Variants in MCPH1 observed in about 807,000 individuals in gnomAD.
The protein encoded by MCPH1 is microcephalin 1.
MCPH1 carries 104 observed loss-of-function variants against 84.5 expected under a neutral mutation model. The observed-to-expected ratio is 1.23, with a 90% CI of 1.05 to 1.45. The LOEUF is 1.45. Among genes scored for constraint, MCPH1 ranks in the 40% most tolerant of loss-of-function variants. The probability of loss-of-function intolerance (pLI) is 0.00; values close to 1 mark genes in which losing one functional copy is unlikely to be tolerated. For missense variants in MCPH1, 1,498 were observed against 1,005.7 expected (o/e 1.49, Z -6.62); for synonymous variants, 514 against 366.8 (o/e 1.40, Z -4.58).
At chr8:6,456,813 C>T (rs1327458200) in intron 9 of MCPH1, among the ~76,000 whole-genome samples, 1 of 152,142 alleles carries the variant, frequency 6.6e-6, no homozygotes, top group East Asian at 1.9e-4. Flanking sequence ...GTATTGCCTC[C>T]CTGTGCCTGG....
At chr8:6,598,769 C>T (rs1324981581) in intron 12 of MCPH1, among the ~76,000 whole-genome samples, 2 of 152,214 alleles carry the variant, frequency 1.3e-5, no homozygotes, top group African/African-American at 2.4e-5. Flanking sequence ...AAGAAGAGCC[C>T]CCTGCCACCC....
intron 9 of MCPH1, among the ~76,000 whole-genome samples, chr8:6,466,137 T>G (rs1485722260): frequency 2.1e-5 from 3 of 143,366 alleles, no homozygotes; most frequent in Admixed American, 6.9e-5. Flanking sequence ...GGATTTTTTT[T>G]TTTTTTTTTT....
intron 12 of MCPH1, chr8:6,532,372 G>A: frequency 6.2e-7 from 1 of 1,614,066 alleles, no homozygotes. Context: ...TTGCTCCGCT[G>A]TTTGGTTCAA....
At chr8:6,567,891 A>G (rs1350104205) in intron 12 of MCPH1, among the ~76,000 whole-genome samples, 1 of 152,212 alleles carries the variant, frequency 6.6e-6, no homozygotes, top group East Asian at 1.9e-4. Context: ...CAGGTTCCCA[A>G]AATCCACCTG....
chr8:6,528,680 C>G (rs78177277), intron 12 of MCPH1, among the ~76,000 whole-genome samples: 1 of 152,250 alleles, frequency 6.6e-6, no homozygotes, highest in Non-Finnish European at 1.5e-5. Flanking sequence ...CAGGAAGAAT[C>G]GACTACTCAC....
intron 3 of MCPH1, among the ~76,000 whole-genome samples, chr8:6,428,832 C>A (rs1222829703): frequency 6.6e-6 from 1 of 152,264 alleles, no homozygotes; most frequent in African/African-American, 2.4e-5. Context: ...ACCCTTTTCA[C>A]CCTCAATTCC....
intron 12 of MCPH1, among the ~76,000 whole-genome samples, chr8:6,564,319 A>C (rs1825955018): frequency 6.6e-6 from 1 of 152,122 alleles, no homozygotes; most frequent in Non-Finnish European, 1.5e-5. Flanking sequence ...ACATCTCAGC[A>C]TTTTGTAACA....
intron 13 of MCPH1, among the ~76,000 whole-genome samples, chr8:6,627,905 G>C (rs1258355313): frequency 3.4e-5 from 5 of 146,932 alleles, no homozygotes; most frequent in African/African-American, 1.3e-4. Context: ...ATATATATGT[G>C]TTTATATATA....
chr8:6,499,724 C>G (rs865912912), intron 11 of MCPH1, 128 bp from the exon 12 acceptor site: 1 of 773,134 alleles, frequency 1.3e-6, no homozygotes, highest in South Asian at 1.4e-5. Context: ...ACTTTGTTGT[C>G]TGAGAACACA....
At chr8:6,624,766 A>G in intron 13 of MCPH1, 2 of 971,490 alleles carry the variant, frequency 2.1e-6, no homozygotes, top group Non-Finnish European at 1.2e-6. Context: ...TTTTCTGTCC[A>G]TACATACACA....
chr8:6,632,594 G>A (rs1000454270), intron 13 of MCPH1, among the ~76,000 whole-genome samples: 1 of 152,148 alleles, frequency 6.6e-6, no homozygotes, highest in African/African-American at 2.4e-5. Context: ...CGGATCACAA[G>A]GTCAGGAGAT....
intron 12 of MCPH1, among the ~76,000 whole-genome samples, chr8:6,509,686 G>T (rs891761660): frequency 2.0e-5 from 3 of 152,110 alleles, no homozygotes; most frequent in African/African-American, 7.2e-5. Context: ...CTTCCCATGG[G>T]GCTATGTTCT....
chr8:6,437,291 T>G (rs1347172723), intron 5 of MCPH1, among the ~76,000 whole-genome samples: 2 of 152,196 alleles, frequency 1.3e-5, no homozygotes, highest in East Asian at 3.9e-4. Flanking sequence ...AGTGCAGTGG[T>G]GCGATCTTGG....
intron 12 of MCPH1, among the ~76,000 whole-genome samples, chr8:6,592,764 C>G (rs1021722419): frequency 1.3e-5 from 2 of 151,440 alleles, no homozygotes; most frequent in African/African-American, 4.9e-5. Context: ...AAGTGATCCT[C>G]CAACCTCAGC....
At chr8:6,551,348 C>T (rs900668754) in intron 12 of MCPH1, among the ~76,000 whole-genome samples, 3 of 152,124 alleles carry the variant, frequency 2.0e-5, no homozygotes, top group African/African-American at 7.2e-5. Context: ...ATGTCAGCTG[C>T]AACGCCTTCA....
At chr8:6,594,971 A>G (rs1188191472) in intron 12 of MCPH1, among the ~76,000 whole-genome samples, 3 of 152,192 alleles carry the variant, frequency 2.0e-5, no homozygotes, top group East Asian at 1.9e-4. Context: ...TTTCTAATCT[A>G]CTTTTGACTT....
intron 8 of MCPH1, among the ~76,000 whole-genome samples, chr8:6,450,722 T>G (rs2440412): frequency 0.7 from 106,770 of 151,782 alleles, 40,423 homozygotes; most frequent in Non-Finnish European, 0.83. Flanking sequence ...TTGGGCTGGA[T>G]GATTTACAGG....
At chr8:6,501,057 C>T (rs972809611) in intron 12 of MCPH1, 1 of 152,138 alleles carries the variant, frequency 6.6e-6, no homozygotes, top group Non-Finnish European at 1.5e-5. Flanking sequence ...GGCCATGATA[C>T]CGTTGTTGAA....
chr8:6,535,997 C>A (rs887023381), intron 12 of MCPH1, among the ~76,000 whole-genome samples: 1 of 151,970 alleles, frequency 6.6e-6, no homozygotes, highest in Non-Finnish European at 1.5e-5. Flanking sequence ...AGCAAGGCTG[C>A]AGTGAGCCAT....
Sources: allele counts gnomAD v4.1 joint callset (sites outside exome capture counted in the v4.1 genomes callset), GRCh38; gene constraint gnomAD v4.1.1; transcripts MANE v1.5; gene names NCBI Gene and HGNC (gene_info 2026-07-23, HGNC 2026-07-21).